The following MID1 variants were observed in gnomAD, a reference collection of about 807,000 sequenced individuals.
The protein encoded by MID1 is midline 1, also known as E3 ubiquitin-protein ligase Midline-1.
A neutral mutation model predicts 40.4 loss-of-function variants in MID1; 7 were observed. The observed-to-expected ratio is 0.17, with a 90% CI of 0.10 to 0.33. The LOEUF is 0.33. Among genes scored for constraint, MID1 ranks in the 10% least tolerant of loss-of-function variants. MID1 has a pLI of 1.00. For synonymous variants in MID1, 229 were observed against 221.2 expected (o/e 1.04, Z -0.31); for missense variants, 367 against 558.5 (o/e 0.66, Z 3.46).
In MID1 at chrX:10,454,866, T is replaced by C; in HGVS notation, c.1655+4A>G. 8.3e-7 allele frequency: 1 copy of C among 1,202,643 alleles called. No individual in the cohort carries two copies. The highest frequency in any genetic ancestry group is 1.1e-6 in the Non-Finnish European group (1 of 887,071). Reference sequence around the variant, plus strand: ...CTGCAGGACAATAGAAATAAGTTGCTTACCATGTGCTTCCACTTATGACCA... The same window carrying C: ...CTGCAGGACAATAGAAATAAGTTGCCTACCATGTGCTTCCACTTATGACCA... On this transcript the variant is annotated splice_donor_region_variant and intron_variant, in intron 9 of 9. Transcript: ENST00000317552.
At chrX:10,613,766 G>GAGAGAGAGAGACAGAC (rs1555910257) in intron 1 of MID1, among the ~76,000 whole-genome samples, 2 of 75,808 alleles carry the variant, frequency 2.6e-5, no homozygotes, top group African/African-American at 1.2e-4. Flanking sequence ...GAGAGAGAGA[G>GAGAGAGAGAGACAGAC]AGACAGACAG....
rs191678464 is a variant in MID1, at chrX:10,459,606, A to G, written c.1447+40T>C. ...GGACAGAGTCAGCTGAAAGAAGAGCAGATAAGACATGACAGCTCTGTTGAG... is the reference window on the plus strand; with the variant it reads ...GGACAGAGTCAGCTGAAAGAAGAGCGGATAAGACATGACAGCTCTGTTGAG... On this transcript the variant is annotated intron_variant, in intron 8 of 9. Coordinates refer to ENST00000317552, the MANE Select transcript of MID1 (RefSeq NM_000381.4). 3,694 of 1,184,282 alleles carry G rather than the reference A, an allele frequency of 3.1e-3. 11 individuals carry two copies. The highest frequency in any genetic ancestry group is 3.5e-3 in the Non-Finnish European group (3,047 of 872,672).
In MID1 at chrX:10,724,593, G is replaced by C. The variant is rs748774183; in HGVS notation, c.-186-104174C>G. ...ATGAGGGCAAGATCTTTCCCAACCG[G>C]AAAAAACTCTAAATGCCTCTTGGAT... On this transcript the variant is annotated intron_variant, in intron 1 of 10. Coordinates refer to the MID1 transcript ENST00000380785. Among the ~76,000 whole-genome samples the C allele has an allele frequency of 3.6e-5, 4 of 112,109 alleles. No individual in the cohort carries two copies. The Admixed American group carries it at 3.8e-4, about 11-fold the overall frequency.
At chrX:10,466,522 T>G (rs1271004817) in intron 7 of MID1, among the ~76,000 whole-genome samples, 1 of 111,308 alleles carries the variant, frequency 9.0e-6, no homozygotes, top group East Asian at 2.8e-4. Context: ...AGTTCTCTGT[T>G]GTTGGGGGAT....
chrX:10,832,333 C>A (rs2044258066), intron 1 of MID1, among the ~76,000 whole-genome samples: 1 of 112,642 alleles, frequency 8.9e-6, no homozygotes, highest in African/African-American at 3.2e-5. Context: ...AATAGTCTCA[C>A]TAGGGAATGG....
At chrX:10,721,055 G>C (rs1393761333) in intron 1 of MID1, among the ~76,000 whole-genome samples, 1 of 106,939 alleles carries the variant, frequency 9.4e-6, no homozygotes, top group Non-Finnish European at 1.9e-5. Context: ...TTGTGGGGTG[G>C]GGGGAGGCGG....
chrX:10,754,826 T>C (rs1390413900), intron 1 of MID1, among the ~76,000 whole-genome samples: 1 of 112,352 alleles, frequency 8.9e-6, no homozygotes, highest in African/African-American at 3.2e-5. Context: ...ATTATTTAGT[T>C]GCAAAATATA....
chrX:10,684,563 C>T lies in MID1; in HGVS notation c.-186-64144G>A, dbSNP rs939414004. Among the ~76,000 whole-genome samples, 6 of 108,447 alleles carry T rather than the reference C, an allele frequency of 5.5e-5. No individual in the cohort carries two copies. In the East Asian group the frequency reaches 1.2e-3, roughly 21 times the overall value. 94.2% of individuals were successfully genotyped at this position (108,447 alleles called of 115,157 possible). ...GGACTACAGGCGTGTGCCACCATGCCGGCTATTTTTTTTTTTGTATTTTTT... is the reference window on the plus strand; with the variant it reads ...GGACTACAGGCGTGTGCCACCATGCTGGCTATTTTTTTTTTTGTATTTTTT... On this transcript the variant is annotated intron_variant, in intron 1 of 10. Coordinates refer to the MID1 transcript ENST00000380785.
intron 1 of MID1, among the ~76,000 whole-genome samples, chrX:10,696,178 A>T (rs2043162650): frequency 9.0e-6 from 1 of 111,620 alleles, no homozygotes; most frequent in Non-Finnish European, 1.9e-5. Flanking sequence ...TAAGAGGAAA[A>T]ATGGCAGAAT....
At chrX:10,691,518 T>A (rs1411955183) in intron 1 of MID1, among the ~76,000 whole-genome samples, 1 of 112,502 alleles carries the variant, frequency 8.9e-6, no homozygotes, top group East Asian at 2.8e-4. Flanking sequence ...TCATGGACAT[T>A]TATCCCTTCC....
intron 1 of MID1, among the ~76,000 whole-genome samples, chrX:10,609,822 A>C (rs1311456717): frequency 9.7e-6 from 1 of 102,658 alleles, no homozygotes; most frequent in Non-Finnish European, 1.9e-5. Flanking sequence ...GGTTCACGCC[A>C]TTCTCCTGCC....
At chrX:10,821,373 A>T (rs776470173) in intron 1 of MID1, among the ~76,000 whole-genome samples, 1 of 112,031 alleles carries the variant, frequency 8.9e-6, no homozygotes, top group South Asian at 3.8e-4. Flanking sequence ...TTAAAAAGAA[A>T]ATTGCACTTG....
chrX:10,784,941 C>G lies in MID1; in HGVS notation c.-187+48613G>C, dbSNP rs759233116. Among the ~76,000 whole-genome samples the G allele has an allele frequency of 4.5e-5, 5 of 111,061 alleles. No individual in the cohort carries two copies. In the East Asian group the frequency reaches 1.4e-3, roughly 32 times the overall value. ...AAGACAGGGATGCCCTCTCTCACCA[C>G]TCCTATTCAACATAGTGTTGGAAGT... On this transcript the variant is annotated intron_variant, in intron 1 of 10. Coordinates refer to the MID1 transcript ENST00000380785.
intron 1 of MID1, among the ~76,000 whole-genome samples, chrX:10,631,700 C>G (rs923058663): frequency 7.2e-5 from 8 of 111,888 alleles, no homozygotes; most frequent in Non-Finnish European, 1.5e-4. Context: ...GTACGTAGCC[C>G]ATATTCTTCC....
At chrX:10,464,322 C>G (rs1276996227) in intron 7 of MID1, among the ~76,000 whole-genome samples, 2 of 111,921 alleles carry the variant, frequency 1.8e-5, no homozygotes, top group Non-Finnish European at 3.8e-5. Flanking sequence ...ATTTTCGATG[C>G]AAATAGCACA....
At chrX:10,524,153 T>C (rs1385929627) in intron 2 of MID1, among the ~76,000 whole-genome samples, 2 of 112,314 alleles carry the variant, frequency 1.8e-5, no homozygotes, top group African/African-American at 6.5e-5. Flanking sequence ...TGCATAAGAC[T>C]CTAGAATTAT....
At chrX:10,456,176 T>C (rs897801458) in intron 8 of MID1, among the ~76,000 whole-genome samples, 1 of 112,323 alleles carries the variant, frequency 8.9e-6, no homozygotes, top group African/African-American at 3.2e-5. Context: ...ACCCAGTGAG[T>C]ATAGGACAGT....
intron 1 of MID1, among the ~76,000 whole-genome samples, chrX:10,696,116 A>G (rs1000597894): frequency 1.8e-5 from 2 of 111,530 alleles, no homozygotes; most frequent in African/African-American, 3.3e-5. Context: ...GGTCATCAGC[A>G]GCTTCCTGAT....
intron 1 of MID1, among the ~76,000 whole-genome samples, chrX:10,682,021 A>G (rs769341626): frequency 9.0e-6 from 1 of 111,691 alleles, no homozygotes; most frequent in South Asian, 3.8e-4. Flanking sequence ...AAATGTTAAT[A>G]TGAGTTGGGC....
Sources: allele counts gnomAD v4.1 joint callset (sites outside exome capture counted in the v4.1 genomes callset), GRCh38; gene constraint gnomAD v4.1.1; transcripts MANE v1.5; gene names NCBI Gene and HGNC (gene_info 2026-07-23, HGNC 2026-07-21).